UQCC1: variants seen among roughly 807,000 people sequenced by gnomAD.
UQCC1 encodes the protein bFGF-repressed Zic-binding protein.
A neutral mutation model predicts 48.0 loss-of-function variants in UQCC1; 38 were observed. The ratio of observed to expected loss-of-function variants is 0.79; its 90% confidence interval spans 0.61 to 1.04. The LOEUF is 1.04. Among genes scored for constraint, UQCC1 ranks in the 50% least tolerant of loss-of-function variants. UQCC1 has a pLI of 0.00. For missense variants in UQCC1, 368 were observed against 381.8 expected, an observed-to-expected ratio of 0.96 and a Z score of 0.30; for synonymous variants, 111 against 129.2, an observed-to-expected ratio of 0.86 and a Z score of 0.95.
intron 6 of UQCC1, among the ~76,000 whole-genome samples, chr20:35,364,702 A>G (rs915331960): frequency 1.3e-5 from 2 of 152,192 alleles, no homozygotes; most frequent in Non-Finnish European, 2.9e-5. Flanking sequence ...AATTAAACCA[A>G]CCTCAGCAAG....
chr20:35,363,341 C>T (rs185805310), intron 6 of UQCC1, among the ~76,000 whole-genome samples: 3 of 152,196 alleles, frequency 2.0e-5, no homozygotes, highest in East Asian at 1.9e-4. Flanking sequence ...TGCTAGACAG[C>T]GCAGACAGTG....
intron 4 of UQCC1, among the ~76,000 whole-genome samples, chr20:35,380,100 T>C (rs1162095899): frequency 1.3e-5 from 2 of 152,198 alleles, no homozygotes; most frequent in Non-Finnish European, 2.9e-5. Context: ...AAACTGTAAA[T>C]GTTTCTTTTC....
intron 6 of UQCC1, among the ~76,000 whole-genome samples, chr20:35,362,418 G>A (rs962931143): frequency 4.6e-5 from 7 of 152,108 alleles, no homozygotes; most frequent in Non-Finnish European, 7.4e-5. Context: ...AGTGCGTGGC[G>A]CCATCTCGGC....
chr20:35,406,647 A>G (rs1221985225), intron 1 of UQCC1, among the ~76,000 whole-genome samples: 1 of 152,246 alleles, frequency 6.6e-6, no homozygotes, highest in African/African-American at 2.4e-5. Context: ...ACTCAAATCT[A>G]CATGAAGAAA....
At chr20:35,324,359 C>A (rs2061166140) in intron 7 of UQCC1, among the ~76,000 whole-genome samples, 1 of 152,114 alleles carries the variant, frequency 6.6e-6, no homozygotes, top group South Asian at 2.1e-4. Context: ...CGCAGTCTTG[C>A]ACTCTTGCCC....
intron 4 of UQCC1, among the ~76,000 whole-genome samples, 187 bp from the exon 5 acceptor site, chr20:35,374,443 C>G (rs2061772846): frequency 6.6e-6 from 1 of 152,200 alleles, no homozygotes; most frequent in South Asian, 2.1e-4. Context: ...ACAGACTTCA[C>G]ACAATTTTCA....
At chr20:35,308,929 T>C (rs946697983) in intron 8 of UQCC1, among the ~76,000 whole-genome samples, 5 of 152,152 alleles carry the variant, frequency 3.3e-5, no homozygotes, top group Admixed American at 2.6e-4. Flanking sequence ...TTGGCCAGGG[T>C]GGTCTCGAAC....
intron 6 of UQCC1, among the ~76,000 whole-genome samples, chr20:35,353,492 A>C (rs1330973945): frequency 6.6e-6 from 1 of 151,428 alleles, no homozygotes; most frequent in Non-Finnish European, 1.5e-5. Flanking sequence ...TTTCAAAATA[A>C]ATTTAATGTA....
chr20:35,304,001 T>C lies in UQCC1; in HGVS notation c.834A>G (p.Leu278=), dbSNP rs761947300. 3.7e-6 allele frequency: 6 copies of C among 1,613,980 alleles called. No individual in the cohort carries two copies. The South Asian group carries it at 5.5e-5, about 15-fold the overall frequency. Residue 278 remains leucine (L), a synonymous_variant, in exon 10 of 10, where the codon CTA becomes CTG. Transcript: ENST00000374385. ...GGATGCTCTGAGGATTCTTCTCCAC[T>C]AGAGGGCGCCAGCTCACCTCCCCTG... The part of the protein sequence containing the change: ...LLTGEVSWRP[L]VEKNPQSILK...
chr20:35,388,308 T>TTTTTTTTTTTTTTTTTTTTG (rs67663221), intron 2 of UQCC1, among the ~76,000 whole-genome samples: 2 of 121,246 alleles, frequency 1.6e-5, no homozygotes, highest in South Asian at 2.6e-4. Flanking sequence ...TCTTTTTTTT[T>TTTTTTTTTTTTTTTTTTTTG]GAGACAGGGT....
At chr20:35,390,821 A>G (rs910683821) in intron 2 of UQCC1, among the ~76,000 whole-genome samples, 1 of 152,204 alleles carries the variant, frequency 6.6e-6, no homozygotes, top group Non-Finnish European at 1.5e-5. Flanking sequence ...ATCCCCTGAT[A>G]TGATGCACTG....
intron 7 of UQCC1, among the ~76,000 whole-genome samples, chr20:35,331,373 A>G (rs983156517): frequency 6.6e-6 from 1 of 151,990 alleles, no homozygotes; most frequent in African/African-American, 2.4e-5. Flanking sequence ...AGTCATGGGC[A>G]AAGAAGTATT....
intron 7 of UQCC1, among the ~76,000 whole-genome samples, chr20:35,326,094 G>A (rs1433095985): frequency 6.6e-6 from 1 of 152,200 alleles, no homozygotes; most frequent in African/African-American, 2.4e-5. Context: ...AAGGTCCAGA[G>A]GCAGGAAAAC....
chr20:35,353,980 A>G (rs2061518715), intron 6 of UQCC1, among the ~76,000 whole-genome samples: 1 of 152,184 alleles, frequency 6.6e-6, no homozygotes, highest in Admixed American at 6.5e-5. Context: ...ATGTTTAGAT[A>G]CATTTAGATA....
intron 5 of UQCC1, among the ~76,000 whole-genome samples, chr20:35,372,143 C>T (rs796973783): frequency 5.9e-5 from 9 of 151,996 alleles, no homozygotes; most frequent in African/African-American, 2.2e-4. Flanking sequence ...AACCTCGTCT[C>T]TACTAAAAGT....
intron 4 of UQCC1, among the ~76,000 whole-genome samples, chr20:35,375,947 TAAAAAAAAAA>T (rs11367331): frequency 3.1e-5 from 2 of 64,734 alleles, no homozygotes; most frequent in African/African-American, 1.3e-4. Flanking sequence ...GGACCTTGCC[TAAAAAAAAAA>T]AAAAAAAAAA....
chr20:35,334,539 A>C (rs989211007), intron 7 of UQCC1, among the ~76,000 whole-genome samples: 2 of 152,198 alleles, frequency 1.3e-5, no homozygotes, highest in Admixed American at 1.3e-4. Context: ...AATGTCATCT[A>C]TTCCCAGCCT....
chr20:35,352,971 C>A (rs2061506072), intron 6 of UQCC1, among the ~76,000 whole-genome samples: 1 of 151,960 alleles, frequency 6.6e-6, no homozygotes, highest in African/African-American at 2.4e-5. Context: ...CGAGCCACTG[C>A]GCCCAGCTCT....
At chr20:35,383,922 C>G (rs554818272) in intron 3 of UQCC1, 116 bp downstream of exon 3, 18 of 811,438 alleles carry the variant, frequency 2.2e-5, no homozygotes, top group African/African-American at 1.3e-4. Context: ...CACTTTACCC[C>G]CTGAGCCTCA....
Sources: gnomAD v4.1 joint callset for allele counts (sites outside exome capture counted in the v4.1 genomes callset) on GRCh38, gnomAD v4.1.1 for gene constraint, MANE v1.5 for transcripts, NCBI Gene and HGNC (gene_info 2026-07-23, HGNC 2026-07-21) for gene names.